DTD1: variants seen among roughly 807,000 people sequenced by gnomAD.
DTD1 encodes the protein D-aminoacyl-tRNA deacylase 1.
Under a neutral mutation model 25.6 loss-of-function variants are expected in DTD1, and 13 were observed. That is an observed-to-expected ratio of 0.51 (90% CI 0.33 to 0.81). The LOEUF (loss-of-function observed/expected upper bound fraction) is 0.81, where lower values mean the gene tolerates loss of function less well. DTD1 is among the 30% of genes least tolerant of loss of function. The pLI, the probability that DTD1 is intolerant of heterozygous loss-of-function variation, is 0.02. For synonymous variants in DTD1, 110 were observed against 103.6 expected (o/e 1.06, Z -0.37); for missense variants, 193 against 266.4 (o/e 0.72, Z 1.92).
chr20:18,706,418 C>A (rs1234080190), intron 4 of DTD1, among the ~76,000 whole-genome samples: 1 of 152,202 alleles, frequency 6.6e-6, no homozygotes, highest in Non-Finnish European at 1.5e-5. Flanking sequence ...TTGCTTTAGA[C>A]TTTCTTCTTA....
At chr20:18,616,361 A>G (rs900973177) in intron 3 of DTD1, among the ~76,000 whole-genome samples, 5 of 152,286 alleles carry the variant, frequency 3.3e-5, no homozygotes, top group African/African-American at 1.2e-4. Context: ...CAAATGGCAA[A>G]CTATATCTAC....
intron 3 of DTD1, among the ~76,000 whole-genome samples, chr20:18,607,380 C>G (rs2060664322): frequency 6.6e-6 from 1 of 152,050 alleles, no homozygotes; most frequent in South Asian, 2.1e-4. Context: ...AGGCTGGTTT[C>G]GAATTCCTGA....
intron 3 of DTD1, among the ~76,000 whole-genome samples, chr20:18,617,795 G>A (rs1455920888): frequency 6.6e-6 from 1 of 152,092 alleles, no homozygotes; most frequent in African/African-American, 2.4e-5. Flanking sequence ...ATGATGTGAT[G>A]TACTGTTTTA....
At chr20:18,718,287 C>CGG (rs2061189482) in intron 4 of DTD1, among the ~76,000 whole-genome samples, 1 of 152,188 alleles carries the variant, frequency 6.6e-6, no homozygotes, top group South Asian at 2.1e-4. Context: ...TTCTGAAAGA[C>CGG]AACCACTAGG....
At chr20:18,744,298 CT>C (rs1399526425) in intron 5 of DTD1, 27 bp downstream of exon 5, 21 of 1,603,576 alleles carry the variant, frequency 1.3e-5, no homozygotes, top group Non-Finnish European at 1.6e-5. Flanking sequence ...TTGGCTTCAT[CT>C]TCCCACATTT....
chr20:18,645,350 C>T (rs982021137), intron 4 of DTD1, among the ~76,000 whole-genome samples: 2 of 152,148 alleles, frequency 1.3e-5, no homozygotes, highest in Non-Finnish European at 2.9e-5. Context: ...TTTACATACC[C>T]GCAGGGAGAA....
At chr20:18,742,433 C>T (rs2061281985) in intron 4 of DTD1, among the ~76,000 whole-genome samples, 1 of 152,222 alleles carries the variant, frequency 6.6e-6, no homozygotes, top group South Asian at 2.1e-4. Flanking sequence ...CTAGTCTGCA[C>T]AGCAGGAGGT....
At chr20:18,761,086 G>A (rs924080483) in intron 5 of DTD1, among the ~76,000 whole-genome samples, 7 of 152,184 alleles carry the variant, frequency 4.6e-5, no homozygotes, top group Non-Finnish European at 1.0e-4. Flanking sequence ...CATTGCAAAA[G>A]CGCATTATTA....
chr20:18,597,784 T>C (rs892948858), intron 3 of DTD1, among the ~76,000 whole-genome samples: 1 of 152,258 alleles, frequency 6.6e-6, no homozygotes, highest in African/African-American at 2.4e-5. Context: ...TATCAATTTC[T>C]GTGGTCACCA....
At chr20:18,647,501 C>T (rs1325153726) in intron 4 of DTD1, among the ~76,000 whole-genome samples, 2 of 151,990 alleles carry the variant, frequency 1.3e-5, no homozygotes, top group South Asian at 4.2e-4. Flanking sequence ...AGTTGCATCT[C>T]GAAGGTTGAG....
chr20:18,649,326 CTTTTT>C (rs55766733), intron 4 of DTD1, among the ~76,000 whole-genome samples: 25 of 57,646 alleles, frequency 4.3e-4, no homozygotes, highest in Middle Eastern at 0.016. Context: ...ATTCATCTTT[CTTTTT>C]TTTTTTTTTT....
chr20:18,754,955 T>G (rs1350832464), intron 5 of DTD1, among the ~76,000 whole-genome samples: 1 of 152,228 alleles, frequency 6.6e-6, no homozygotes, highest in Non-Finnish European at 1.5e-5. Flanking sequence ...GTGTTCCCAG[T>G]AGTAGCACAG....
At chr20:18,654,701 C>A (rs1485323069) in intron 4 of DTD1, among the ~76,000 whole-genome samples, 3 of 152,124 alleles carry the variant, frequency 2.0e-5, no homozygotes, top group Admixed American at 6.5e-5. Context: ...GGGAGTCACA[C>A]TGGCTCATCT....
chr20:18,588,229 G>C lies in DTD1; in HGVS notation c.43+114G>C, dbSNP rs1036690890. On this transcript the variant is annotated intron_variant, in intron 1 of 5. Coordinates refer to ENST00000377452, the MANE Select transcript of DTD1 (RefSeq NM_080820.6). ...TGGGGCCGCTGCGGCCCCTCCGCGAGCCTGGTCCCCTTCGCGAGCTCGGTC... is the reference window on the plus strand; with the variant it reads ...TGGGGCCGCTGCGGCCCCTCCGCGACCCTGGTCCCCTTCGCGAGCTCGGTC... 9.4e-5 allele frequency: 96 copies of C among 1,026,274 alleles called. 1 individual carries two copies. In the African/African-American group the frequency reaches 1.3e-3, roughly 14 times the overall value. 63.6% of individuals were successfully genotyped at this position (1,026,274 alleles called of 1,614,324 possible). A position where few individuals can be genotyped will look rare whatever the true frequency, so the allele number is the denominator to read the frequency against.
chr20:18,616,223 T>A (rs2060708485), intron 3 of DTD1, among the ~76,000 whole-genome samples: 1 of 152,012 alleles, frequency 6.6e-6, no homozygotes. Flanking sequence ...ATATTTTCTC[T>A]CATTCTTTCC....
At position 18,607,665 on chromosome 20, in the gene DTD1, A is replaced by C. The variant is rs79556518; in HGVS notation, c.370+11424A>C. 8.9e-3 allele frequency among the ~76,000 whole-genome samples: 1,348 copies of C among 151,922 alleles called. 21 individuals carry two copies. Among genetic ancestry groups the C allele is most frequent in the African/African-American group, 0.031 (1,284 of 41,440 alleles). On this transcript the variant is annotated intron_variant, in intron 3 of 5. Transcript: ENST00000377452. ...TTGAAAGGTTATTAAATATTGCTTC[A>C]GTTTCCTCAATGGATATAGGTCTAT...
At chr20:18,712,105 T>C (rs2061161504) in intron 4 of DTD1, among the ~76,000 whole-genome samples, 1 of 151,738 alleles carries the variant, frequency 6.6e-6, no homozygotes. Flanking sequence ...CTTCCACAAA[T>C]ATTTCTTCAT....
intron 4 of DTD1, among the ~76,000 whole-genome samples, chr20:18,728,276 G>A (rs183751068): frequency 6.6e-6 from 1 of 152,068 alleles, no homozygotes; most frequent in East Asian, 1.9e-4. Context: ...ATCACCCTGA[G>A]TTTGGCTTCT....
chr20:18,643,005 T>A (rs2060835645), intron 4 of DTD1: 1 of 156,840 alleles, frequency 6.4e-6, no homozygotes, highest in Non-Finnish European at 1.4e-5. Flanking sequence ...AACCTCTGCC[T>A]CTTGGGTTCA....
Sources: allele counts gnomAD v4.1 joint callset (sites outside exome capture counted in the v4.1 genomes callset), GRCh38; gene constraint gnomAD v4.1.1; transcripts MANE v1.5; gene names NCBI Gene and HGNC (gene_info 2026-07-23, HGNC 2026-07-21).